The following CCT4 variants were observed in gnomAD, a reference collection of about 807,000 sequenced individuals.
CCT4 encodes the protein T-complex protein 1 subunit delta.
Under a neutral mutation model 62.5 loss-of-function variants are expected in CCT4, and 17 were observed. That is an observed-to-expected ratio of 0.27 (90% CI 0.19 to 0.41). CCT4 has a LOEUF of 0.41. Ranked by LOEUF, CCT4 falls within the 10% of genes least tolerant of loss-of-function variation. The pLI is 1.00. For synonymous variants in CCT4, 250 were observed against 229.9 expected, an observed-to-expected ratio of 1.09 and a Z score of -0.79; for missense variants, 592 against 659.2, an observed-to-expected ratio of 0.90 and a Z score of 1.12.
Position 61,885,028 on chromosome 2 carries a change from C to T in CCT4, c.172G>A (p.Asp58Asn). 2.5e-6 allele frequency: 4 copies of T among 1,580,732 alleles called. No individual in the cohort carries two copies. The highest frequency in any genetic ancestry group is 3.4e-6 in the Non-Finnish European group (4 of 1,166,754). The change falls in exon 2 of 14, where the codon GAT (aspartate) becomes AAT (asparagine). Residue 58 changes from aspartate to asparagine, a missense_variant. Transcript: ENST00000394440. The part of the protein sequence containing the change: ...IRTSLGPKGM[D>N]KMIQDGKGDV... ...ATGACTCAACTCTTTACCATTTTAT[C>T]CATTCCTTTTGGTCCAAGGCTTGTT...
Position 61,888,462 on chromosome 2 carries a change from C to CAGCCCCGGCAGT in CCT4, c.34_45dup (p.Thr12_Ala15dup). The CAGCCCCGGCAGT allele has an allele frequency of 6.2e-7, 1 of 1,611,700 alleles. No individual in the cohort carries two copies. The highest frequency in any genetic ancestry group is 1.1e-5 in the South Asian group (1 of 90,882). On this transcript the variant is annotated inframe_insertion, in exon 1 of 14. Transcript: ENST00000394440. ...TAGGCGCCTTTCCCGCGGCCGCCGGCAGCCCCGGCAGTCGCCCCGCTCCGG... is the reference window on the plus strand; with the variant it reads ...TAGGCGCCTTTCCCGCGGCCGCCGGCAGCCCCGGCAGTAGCCCCGGCAGTCGCCCCGCTCCGG...
At position 61,873,263 on chromosome 2, in the gene CCT4, A is replaced by C; in HGVS notation, c.948T>G (p.Phe316Leu). 6.5e-7 allele frequency: 1 copy of C among 1,546,246 alleles called. No individual in the cohort carries two copies. Among genetic ancestry groups the C allele is most frequent in the South Asian group, 1.1e-5 (1 of 89,488 alleles). Residue 316 changes from phenylalanine (F) to leucine (L), a missense_variant, in exon 9 of 14, where the codon TTT (phenylalanine) becomes TTG (leucine). By Grantham distance (22) the Phe-to-Leu change is conservative. Coordinates refer to ENST00000394440, the MANE Select transcript of CCT4 (RefSeq NM_006430.4). ...RDALSDLALH[F>L]LNKMKIMVIK... ...TCACCATGATCTTCATTTTATTCAGAAAGTGTAATGCAAGATCACTAAGAG... is the reference window on the plus strand; with the variant it reads ...TCACCATGATCTTCATTTTATTCAGCAAGTGTAATGCAAGATCACTAAGAG...
chr2:61,880,631 A>C (rs1669092366), intron 3 of CCT4, among the ~76,000 whole-genome samples: 2 of 152,212 alleles, frequency 1.3e-5, no homozygotes, highest in Non-Finnish European at 2.9e-5. Context: ...AGTTCTAATT[A>C]GAAAGCAAAA....
chr2:61,868,683 T>A lies in CCT4; in HGVS notation c.*9A>T. On this transcript the variant is annotated 3_prime_UTR_variant, in exon 14 of 14. Coordinates refer to ENST00000394440, the MANE Select transcript of CCT4 (RefSeq NM_006430.4). ...TGGTGATCATAATGGTGCTAGTCAG[T>A]TATCCAGATTATCGAGTGTTTACCT... 1.0e-5 allele frequency: 16 copies of A among 1,587,910 alleles called. No homozygotes were observed. The highest frequency in any genetic ancestry group is 1.3e-5 in the Non-Finnish European group (15 of 1,156,252).
intron 8 of CCT4, 32 bp from the exon 9 acceptor site, chr2:61,873,325 C>T (rs184362993): frequency 1.3e-4 from 159 of 1,227,882 alleles, no homozygotes; most frequent in Non-Finnish European, 6.4e-5. Flanking sequence ...TATGTCAATG[C>T]TAGATTAAAA....
At position 61,888,365 on chromosome 2, in the gene CCT4, G is replaced by A. The variant is rs746431445; in HGVS notation, c.127+16C>T. ...ACAACCCCGCGGCGCCGCGGGTCAG[G>A]CCATGAGAGTGATACCTTTGGCGGC... On this transcript the variant is annotated intron_variant, in intron 1 of 13. Coordinates refer to ENST00000394440, the MANE Select transcript of CCT4 (RefSeq NM_006430.4). 1.2e-6 allele frequency: 2 copies of A among 1,611,594 alleles called. No individual in the cohort carries two copies. Among genetic ancestry groups the A allele is most frequent in the Non-Finnish European group, 1.7e-6 (2 of 1,178,918 alleles).
rs1381905256 is a variant in CCT4, at chr2:61,868,312, T to C, written c.*380A>G. 5.8e-6 allele frequency: 1 copy of C among 171,080 alleles called. No individual in the cohort carries two copies. 10.6% of individuals were successfully genotyped at this position (171,080 alleles called of 1,614,324 possible). On this transcript the variant is annotated 3_prime_UTR_variant, in exon 14 of 14. Coordinates refer to ENST00000394440, the MANE Select transcript of CCT4 (RefSeq NM_006430.4). ...TAGGTTCAGAGAGGTGCCACTTGGA[T>C]CATTAACTTTTAAGACAGCATATAT...
rs1668821917 is a variant in CCT4 at position 61,868,578 on chromosome 2, A to C, written c.*114T>G. The C allele has an allele frequency of 5.1e-6, 4 of 784,526 alleles. No homozygotes were observed. Among genetic ancestry groups the C allele is most frequent in the Admixed American group, 2.0e-5 (1 of 48,988 alleles). 48.6% of individuals were successfully genotyped at this position (784,526 alleles called of 1,614,324 possible). A position where few individuals can be genotyped will look rare whatever the true frequency, so the allele number is the denominator to read the frequency against. ...ACTTCAGGCAAATGCCAACTGGAAG[A>C]CCAAGCCCAGAAATTCAGAGGAAAT... On this transcript the variant is annotated 3_prime_UTR_variant, in exon 14 of 14. Coordinates refer to ENST00000394440, the MANE Select transcript of CCT4 (RefSeq NM_006430.4).
chr2:61,877,108 T>A, intron 6 of CCT4, 56 bp from the exon 7 acceptor site: 1 of 1,467,520 alleles, frequency 6.8e-7, no homozygotes, highest in East Asian at 2.3e-5. Flanking sequence ...CATCTGTACG[T>A]TTAATAGATG....
intron 8 of CCT4, 119 bp from the exon 9 acceptor site, chr2:61,873,412 T>C (rs1042318210): frequency 5.0e-6 from 3 of 597,418 alleles, no homozygotes; most frequent in Non-Finnish European, 8.9e-6. Context: ...TGAAGAAAAA[T>C]GCTTTAGTTT....
At chr2:61,869,780 C>T (rs529461056) in intron 12 of CCT4, among the ~76,000 whole-genome samples, 2 of 151,710 alleles carry the variant, frequency 1.3e-5, no homozygotes, top group South Asian at 4.2e-4. Context: ...ACTACAGGCG[C>T]CCACCACCAT....
In CCT4 at chr2:61,869,429, G is replaced by GA; in HGVS notation, c.1605+10dup. ...ACCTCCTAAGAAAATTTGCAACCTGGAAACACTTACCACATCATCTATTTT... is the reference window on the plus strand; with the variant it reads ...ACCTCCTAAGAAAATTTGCAACCTGGAAAACACTTACCACATCATCTATTTT... On this transcript the variant is annotated intron_variant, in intron 13 of 13. Coordinates refer to ENST00000394440, the MANE Select transcript of CCT4 (RefSeq NM_006430.4). 1 of 1,521,674 alleles carries GA rather than the reference G, an allele frequency of 6.6e-7. No individual in the cohort carries two copies. Among genetic ancestry groups the GA allele is most frequent in the Non-Finnish European group, 9.1e-7 (1 of 1,096,798 alleles). 94.3% of individuals were successfully genotyped at this position (1,521,674 alleles called of 1,614,324 possible). A position where few individuals can be genotyped will look rare whatever the true frequency, so the allele number is the denominator to read the frequency against.
At chr2:61,879,426 T>A (rs951091110) in intron 4 of CCT4, among the ~76,000 whole-genome samples, 1 of 144,756 alleles carries the variant, frequency 6.9e-6, no homozygotes, top group African/African-American at 2.6e-5. Context: ...CACACCCGGC[T>A]AATTTTTTTT....
intron 4 of CCT4, 38 bp downstream of exon 4, chr2:61,880,248 A>T: frequency 4.4e-6 from 5 of 1,139,722 alleles, no homozygotes; most frequent in Non-Finnish European, 5.0e-6. Flanking sequence ...TGTTTTTTAA[A>T]CTTTTCTTTA....
At position 61,888,366 on chromosome 2, in the gene CCT4, C is replaced by A; in HGVS notation, c.127+15G>T. Reference sequence around the variant, plus strand: ...CAACCCCGCGGCGCCGCGGGTCAGGCCATGAGAGTGATACCTTTGGCGGCG... The same window carrying A: ...CAACCCCGCGGCGCCGCGGGTCAGGACATGAGAGTGATACCTTTGGCGGCG... On this transcript the variant is annotated intron_variant, in intron 1 of 13. Transcript: ENST00000394440. 2.5e-6 allele frequency: 4 copies of A among 1,611,662 alleles called. No homozygotes were observed. Among genetic ancestry groups the A allele is most frequent in the Non-Finnish European group, 3.4e-6 (4 of 1,178,900 alleles).
At chr2:61,875,076 G>T (rs1446485541) in intron 8 of CCT4, among the ~76,000 whole-genome samples, 14 of 150,882 alleles carry the variant, frequency 9.3e-5, no homozygotes, top group Admixed American at 9.2e-4. Flanking sequence ...CAGGAGGCGG[G>T]GGTTGTGGTG....
In CCT4 at chr2:61,872,045, TAATC is replaced by T. The variant is rs746530000; in HGVS notation, c.1491+33_1491+36del. On this transcript the variant is annotated intron_variant, in intron 12 of 13. Coordinates refer to ENST00000394440, the MANE Select transcript of CCT4 (RefSeq NM_006430.4). ...CTACAAAGCTTTTAATATTTTAAAT[TAATC>T]AATATTTTCTACATTAGAGATTAAA... is the stretch of plus-strand genomic sequence containing the variant. 1.6e-5 allele frequency: 22 copies of T among 1,375,996 alleles called. No individual in the cohort carries two copies. In the Admixed American group the frequency reaches 3.2e-4, roughly 20 times the overall value. The allele number at this position is 1,375,996 out of a possible 1,614,324, so 85.2% of individuals were successfully genotyped here.
intron 8 of CCT4, among the ~76,000 whole-genome samples, chr2:61,873,580 T>C (rs942705839): frequency 6.6e-6 from 1 of 152,200 alleles, no homozygotes; most frequent in African/African-American, 2.4e-5. Context: ...TTTTATTTTT[T>C]TGAGATGGAA....
chr2:61,887,652 A>T (rs1669288321), intron 1 of CCT4, among the ~76,000 whole-genome samples: 1 of 152,216 alleles, frequency 6.6e-6, no homozygotes, highest in Non-Finnish European at 1.5e-5. Flanking sequence ...ATTTTCCTCC[A>T]ATTTTATAAG....
Sources: allele counts gnomAD v4.1 joint callset (sites outside exome capture counted in the v4.1 genomes callset), GRCh38; gene constraint gnomAD v4.1.1; transcripts MANE v1.5; gene names NCBI Gene and HGNC (gene_info 2026-07-23, HGNC 2026-07-21).